Variants in ULK4 observed in about 807,000 individuals in gnomAD.
ULK4 encodes unc-51 like kinase 4.
A neutral mutation model predicts 160.6 loss-of-function variants in ULK4; 133 were observed. The ratio of observed to expected loss-of-function variants is 0.83; its 90% confidence interval spans 0.72 to 0.96. The LOEUF is 0.96. Among genes scored for constraint, ULK4 ranks in the 40% least tolerant of loss-of-function variants. ULK4 has a pLI of 0.00. For missense variants in ULK4, 1,580 were observed against 1,499.5 expected, an observed-to-expected ratio of 1.05 and a Z score of -0.89; for synonymous variants, 534 against 539.8, an observed-to-expected ratio of 0.99 and a Z score of 0.15.
intron 32 of ULK4, among the ~76,000 whole-genome samples, chr3:41,499,760 G>T (rs2085125708): frequency 6.6e-6 from 1 of 152,162 alleles, no homozygotes; most frequent in African/African-American, 2.4e-5. Context: ...GGTTAAAAAT[G>T]AGGTTGTCTA....
chr3:41,361,815 C>A (rs1157570377), intron 35 of ULK4, among the ~76,000 whole-genome samples: 1 of 152,064 alleles, frequency 6.6e-6, no homozygotes, highest in Non-Finnish European at 1.5e-5. Flanking sequence ...TAAAGATAGA[C>A]TAGAATTTTG....
Position 41,904,037 on chromosome 3 carries a change from A to G in ULK4, c.1183-3208T>C, listed in dbSNP as rs368487227. 4.0e-3 allele frequency among the ~76,000 whole-genome samples: 602 copies of G among 150,762 alleles called. 10 individuals are homozygous for G. Among genetic ancestry groups the G allele is most frequent in the Middle Eastern group, 0.014 (4 of 286 alleles). On this transcript the variant is annotated intron_variant, in intron 12 of 36. Coordinates refer to ENST00000301831, the MANE Select transcript of ULK4 (RefSeq NM_017886.4). ...TAATCAGTGTTTACCCGGGAATTAT[A>G]TCGTAAATAATTTTTCTATTTTCTT... is the stretch of plus-strand genomic sequence containing the variant.
At chr3:41,294,897 T>C (rs1197048008) in intron 35 of ULK4, among the ~76,000 whole-genome samples, 1 of 152,226 alleles carries the variant, frequency 6.6e-6, no homozygotes, top group Non-Finnish European at 1.5e-5. Flanking sequence ...ATAGATTCAA[T>C]GCAATTGCAA....
At chr3:41,889,032 C>G (rs1697825992) in intron 16 of ULK4, among the ~76,000 whole-genome samples, 2 of 152,194 alleles carry the variant, frequency 1.3e-5, no homozygotes, top group Middle Eastern at 3.4e-3. Flanking sequence ...ATAATATAAA[C>G]TAAGAACCAG....
chr3:41,740,520 G>A (rs990922668), intron 22 of ULK4, among the ~76,000 whole-genome samples: 7 of 151,852 alleles, frequency 4.6e-5, no homozygotes, highest in Non-Finnish European at 1.0e-4. Context: ...GTGGACATTT[G>A]TGAGCCATCA....
At chr3:41,861,794 G>A (rs1575844934) in intron 17 of ULK4, among the ~76,000 whole-genome samples, 3 of 151,892 alleles carry the variant, frequency 2.0e-5, no homozygotes, top group South Asian at 2.1e-4. Flanking sequence ...CTCTTTTGAG[G>A]TTATTTTCTA....
intron 27 of ULK4, among the ~76,000 whole-genome samples, chr3:41,703,860 AC>A (rs1329024503): frequency 2.3e-4 from 35 of 151,258 alleles, no homozygotes; most frequent in Admixed American, 8.5e-4. Flanking sequence ...ACACACACAC[AC>A]ACACACACAC....
intron 3 of ULK4, chr3:41,937,320 G>T: frequency 1.4e-6 from 1 of 693,580 alleles, no homozygotes; most frequent in South Asian, 1.5e-5. Flanking sequence ...ATCCATGGAA[G>T]TAATCAACCA....
intron 30 of ULK4, among the ~76,000 whole-genome samples, chr3:41,625,492 C>T (rs576131129): frequency 1.3e-5 from 2 of 152,236 alleles, no homozygotes; most frequent in East Asian, 3.9e-4. Flanking sequence ...TCAGCGCACC[C>T]TTCATTTGAT....
At chr3:41,851,288 G>C (rs1370552486) in intron 17 of ULK4, among the ~76,000 whole-genome samples, 2 of 152,016 alleles carry the variant, frequency 1.3e-5, no homozygotes, top group African/African-American at 4.8e-5. Flanking sequence ...TAGCATGAAG[G>C]GCTGTTGAAT....
intron 30 of ULK4, among the ~76,000 whole-genome samples, chr3:41,638,144 G>T (rs2034037383): frequency 1.3e-5 from 2 of 152,076 alleles, no homozygotes; most frequent in Admixed American, 1.3e-4. Flanking sequence ...TATTTCACTA[G>T]ACTCTCAATA....
At chr3:41,766,454 A>G (rs1293197945) in intron 21 of ULK4, among the ~76,000 whole-genome samples, 1 of 152,212 alleles carries the variant, frequency 6.6e-6, no homozygotes, top group African/African-American at 2.4e-5. Context: ...AAACCAAAAC[A>G]TTTTTGATAC....
chr3:41,836,460 T>C (rs1013036474), intron 17 of ULK4, among the ~76,000 whole-genome samples: 15 of 152,060 alleles, frequency 9.9e-5, no homozygotes, highest in African/African-American at 2.7e-4. Context: ...AGTGAGTCAG[T>C]GCACCTGACT....
chr3:41,739,541 G>A (rs903256291), intron 22 of ULK4, among the ~76,000 whole-genome samples: 8 of 151,826 alleles, frequency 5.3e-5, no homozygotes, highest in African/African-American at 1.9e-4. Context: ...TGGGCACTGG[G>A]GCTTACAGCT....
chr3:41,404,318 C>A (rs910453621), intron 34 of ULK4, among the ~76,000 whole-genome samples: 2 of 147,290 alleles, frequency 1.4e-5, no homozygotes, highest in Non-Finnish European at 3.0e-5. Flanking sequence ...GTGGATAGAT[C>A]TTTTAATCAT....
intron 34 of ULK4, among the ~76,000 whole-genome samples, chr3:41,419,137 G>A (rs1241589412): frequency 1.3e-5 from 2 of 152,150 alleles, no homozygotes; most frequent in Non-Finnish European, 2.9e-5. Context: ...AACAATGCAG[G>A]TGGCAATTAT....
At chr3:41,685,724 T>C (rs2036078522) in intron 27 of ULK4, among the ~76,000 whole-genome samples, 1 of 152,186 alleles carries the variant, frequency 6.6e-6, no homozygotes, top group South Asian at 2.1e-4. Flanking sequence ...TATCAATTCG[T>C]ATGTTTTGAC....
chr3:41,424,271 C>A (rs754840735), intron 34 of ULK4, among the ~76,000 whole-genome samples: 10 of 152,184 alleles, frequency 6.6e-5, no homozygotes, highest in African/African-American at 9.7e-5. Context: ...CCCTGATCTC[C>A]CTGGGACTGA....
At chr3:41,539,534 T>C (rs543886441) in intron 32 of ULK4, among the ~76,000 whole-genome samples, 1 of 120,266 alleles carries the variant, frequency 8.3e-6, no homozygotes, top group South Asian at 2.6e-4. Flanking sequence ...CTAGAATGTG[T>C]CCAGGTTTTG....
Sources: gnomAD v4.1 joint callset for allele counts (sites outside exome capture counted in the v4.1 genomes callset) on GRCh38, gnomAD v4.1.1 for gene constraint, MANE v1.5 for transcripts, NCBI Gene and HGNC (gene_info 2026-07-23, HGNC 2026-07-21) for gene names.